The following NME8 variants were observed in gnomAD, a reference collection of about 807,000 sequenced individuals.
NME8 encodes the protein NME/NM23 family member 8.
NME8 carries 72 observed loss-of-function variants against 82.3 expected under a neutral mutation model. The ratio of observed to expected loss-of-function variants is 0.87; its 90% confidence interval spans 0.72 to 1.06. The LOEUF (loss-of-function observed/expected upper bound fraction) is 1.06, where lower values mean the gene tolerates loss of function less well. Among genes scored for constraint, NME8 ranks in the 50% least tolerant of loss-of-function variants. The pLI is 0.00. For synonymous variants in NME8, 267 were observed against 228.5 expected (o/e 1.17, Z -1.52); for missense variants, 712 against 685.4 (o/e 1.04, Z -0.43).
chr7:37,883,439 T>C (rs1000780210), intron 12 of NME8, among the ~76,000 whole-genome samples: 1 of 152,262 alleles, frequency 6.6e-6, no homozygotes, highest in African/African-American at 2.4e-5. Flanking sequence ...TTAACATGCA[T>C]GATACTTTGT....
At chr7:37,892,869 G>A (rs1011281650) in intron 15 of NME8, among the ~76,000 whole-genome samples, 3 of 151,888 alleles carry the variant, frequency 2.0e-5, no homozygotes, top group African/African-American at 7.3e-5. Flanking sequence ...GGGGGTATTT[G>A]TCATCCTTCT....
At chr7:37,864,851 T>C (rs1220592789) in intron 9 of NME8, among the ~76,000 whole-genome samples, 5 of 152,150 alleles carry the variant, frequency 3.3e-5, no homozygotes, top group African/African-American at 1.2e-4. Flanking sequence ...AGAGAACTTG[T>C]GCAAGAAATC....
intron 11 of NME8, among the ~76,000 whole-genome samples, chr7:37,870,588 CAAAA>C (rs35884288): frequency 6.1e-5 from 6 of 97,626 alleles, no homozygotes; most frequent in African/African-American, 1.5e-4. Context: ...GACTCCATCT[CAAAA>C]AAAAAAAAAA....
At chr7:37,895,016 C>G (rs553452886) in intron 16 of NME8, among the ~76,000 whole-genome samples, 1 of 152,208 alleles carries the variant, frequency 6.6e-6, no homozygotes, top group East Asian at 1.9e-4. Context: ...GTTTCCTTAT[C>G]TGTTGAATGG....
At chr7:37,892,197 A>G (rs566717717) in intron 15 of NME8, among the ~76,000 whole-genome samples, 2 of 152,112 alleles carry the variant, frequency 1.3e-5, no homozygotes, top group African/African-American at 2.4e-5. Context: ...TTTTACTAAC[A>G]TATGTCTGAG....
Position 37,900,362 on chromosome 7 carries a change from G to A in NME8, c.*134G>A, listed in dbSNP as rs983194098. 2.6e-5 allele frequency: 4 copies of A among 152,082 alleles called. 1 individual carries two copies. The highest frequency in any genetic ancestry group is 4.1e-4 in the South Asian group (2 of 4,826). The allele number at this position is 152,082 out of a possible 1,614,324, so 9.4% of individuals were successfully genotyped here. A position where few individuals can be genotyped will look rare whatever the true frequency, so the allele number is the denominator to read the frequency against. On this transcript the variant is annotated 3_prime_UTR_variant, in exon 18 of 18. Transcript: ENST00000199447. Reference sequence around the variant, plus strand: ...AAAACTCAAGATACAAAAATGAATGGCTATGCATAATAACAATAAAAATGT... The same window carrying A: ...AAAACTCAAGATACAAAAATGAATGACTATGCATAATAACAATAAAAATGT...
chr7:37,855,922 T>C (rs1356541995), intron 5 of NME8, among the ~76,000 whole-genome samples: 1 of 151,444 alleles, frequency 6.6e-6, no homozygotes, highest in Non-Finnish European at 1.5e-5. Flanking sequence ...CAGCAATGGC[T>C]CAATGAACTT....
chr7:37,895,033 T>C (rs1339695276), intron 16 of NME8, among the ~76,000 whole-genome samples: 1 of 152,170 alleles, frequency 6.6e-6, no homozygotes, highest in East Asian at 1.9e-4. Flanking sequence ...ATGGGAATAA[T>C]AATAGTATCT....
intron 5 of NME8, among the ~76,000 whole-genome samples, chr7:37,855,089 C>T (rs2131941239): frequency 6.6e-6 from 1 of 152,210 alleles, no homozygotes; most frequent in African/African-American, 2.4e-5. Flanking sequence ...TCCTTATGAG[C>T]CCCTGATCTA....
intron 12 of NME8, among the ~76,000 whole-genome samples, chr7:37,881,786 G>A (rs1443887855): frequency 6.6e-6 from 1 of 152,062 alleles, no homozygotes; most frequent in East Asian, 1.9e-4. Flanking sequence ...TCTAGTCCTG[G>A]TGCTGTATTT....
At chr7:37,878,783 T>C (rs998036816) in intron 12 of NME8, among the ~76,000 whole-genome samples, 4 of 152,180 alleles carry the variant, frequency 2.6e-5, no homozygotes, top group African/African-American at 9.6e-5. Context: ...AGAGTTCCCA[T>C]ATACCTGCTC....
At chr7:37,879,132 A>G (rs1409432508) in intron 12 of NME8, among the ~76,000 whole-genome samples, 1 of 151,298 alleles carries the variant, frequency 6.6e-6, no homozygotes, top group African/African-American at 2.4e-5. Context: ...TTCATTATAT[A>G]TATATATATT....
chr7:37,879,954 GCAGAGC>G (rs1378117633), intron 12 of NME8, among the ~76,000 whole-genome samples: 3 of 152,102 alleles, frequency 2.0e-5, no homozygotes, highest in Non-Finnish European at 4.4e-5. Flanking sequence ...GACATATTAT[GCAGAGC>G]TTCTTTTCAT....
Position 37,850,633 on chromosome 7 carries a change from T to C in NME8, c.96T>C (p.Ile32=). ...ATAAATATCATCATCTTCTAGTGAT[T>C]GATGTTTACCAAGCCTGGTGTGGAC... ...EMLQNKGLTV[I]DVYQAWCGPC... The change falls in exon 5 of 18, where the codon ATT becomes ATC. Residue 32 remains isoleucine, a synonymous_variant. Coordinates refer to ENST00000199447, the MANE Select transcript of NME8 (RefSeq NM_016616.5). 3 of 1,604,526 alleles carry C rather than the reference T, an allele frequency of 1.9e-6. No homozygotes were observed. The highest frequency in any genetic ancestry group is 8.5e-7 in the Non-Finnish European group (1 of 1,171,262).
At chr7:37,863,366 T>C (rs772342076) in intron 7 of NME8, 30 bp from the exon 8 acceptor site, 1 of 1,328,132 alleles carries the variant, frequency 7.5e-7, no homozygotes. Flanking sequence ...CATAACTGTG[T>C]TATCTTTGCA....
At chr7:37,857,230 A>C in intron 5 of NME8, 44 bp from the exon 6 acceptor site, 3 of 1,406,344 alleles carry the variant, frequency 2.1e-6, no homozygotes, top group Non-Finnish European at 3.0e-6. Context: ...AATTACTTGA[A>C]TATAGTTTTA....
intron 14 of NME8, among the ~76,000 whole-genome samples, chr7:37,886,159 T>C (rs1421880764): frequency 6.6e-6 from 1 of 152,184 alleles, no homozygotes; most frequent in Non-Finnish European, 1.5e-5. Flanking sequence ...TATGTGCCAA[T>C]GACTGTGAAG....
At chr7:37,878,270 G>A (rs751898877) in intron 12 of NME8, among the ~76,000 whole-genome samples, 2 of 152,132 alleles carry the variant, frequency 1.3e-5, no homozygotes, top group Non-Finnish European at 2.9e-5. Flanking sequence ...GATTATTGAT[G>A]TTGAAACAGC....
At chr7:37,862,748 A>C (rs1332082176) in intron 7 of NME8, among the ~76,000 whole-genome samples, 1 of 152,136 alleles carries the variant, frequency 6.6e-6, no homozygotes, top group Non-Finnish European at 1.5e-5. Context: ...GATATTTAAC[A>C]TGATTATCAT....
Sources: allele counts gnomAD v4.1 joint callset (sites outside exome capture counted in the v4.1 genomes callset), GRCh38; gene constraint gnomAD v4.1.1; transcripts MANE v1.5; gene names NCBI Gene and HGNC (gene_info 2026-07-23, HGNC 2026-07-21).